The following CDK15 variants were observed in gnomAD, a reference collection of about 807,000 sequenced individuals.
CDK15 encodes cyclin dependent kinase 15.
In CDK15, 62 loss-of-function variants were observed where a neutral mutation model predicts 60.3. That is an observed-to-expected ratio of 1.03 (90% CI 0.84 to 1.27). The LOEUF is 1.27. Ranked by LOEUF, CDK15 falls within the 50% of genes most tolerant of loss-of-function variation. The pLI is 0.00. For missense variants in CDK15, 541 were observed against 527.8 expected (o/e 1.03, Z -0.25); for synonymous variants, 194 against 195.7 (o/e 0.99, Z 0.07).
chr2:201,870,044 GA>G (rs1382507123), intron 10 of CDK15, among the ~76,000 whole-genome samples: 1 of 152,190 alleles, frequency 6.6e-6, no homozygotes, highest in Non-Finnish European at 1.5e-5. Context: ...TGCCAGCAGA[GA>G]GGTCCACATT....
At chr2:201,868,366 T>C (rs1574922675) in intron 10 of CDK15, among the ~76,000 whole-genome samples, 1 of 152,158 alleles carries the variant, frequency 6.6e-6, no homozygotes, top group East Asian at 1.9e-4. Flanking sequence ...TATCTTCCGG[T>C]CACACAGCTG....
chr2:201,856,393 A>G (rs1052958282), intron 10 of CDK15, among the ~76,000 whole-genome samples: 9 of 152,348 alleles, frequency 5.9e-5, no homozygotes, highest in African/African-American at 1.9e-4. Flanking sequence ...GTGAATGGTT[A>G]TATCTATTGC....
chr2:201,846,564 T>C (rs1697678613), intron 8 of CDK15, among the ~76,000 whole-genome samples: 1 of 150,968 alleles, frequency 6.6e-6, no homozygotes. Flanking sequence ...GTCCTTTTTT[T>C]TTCTTTTTTT....
intron 9 of CDK15, among the ~76,000 whole-genome samples, chr2:201,851,291 CAAAAAAAAAAAA>C (rs1176883047): frequency 1.2e-3 from 32 of 27,768 alleles, no homozygotes; most frequent in South Asian, 4.2e-3. Flanking sequence ...GACTTCATCT[CAAAAAAAAAAAA>C]AAAAAAAAAA....
rs1156542105 is a variant in CDK15 at position 201,806,715 on chromosome 2, C to T, written c.51C>T (p.Tyr17=). 6.3e-7 allele frequency: 1 copy of T among 1,598,260 alleles called. No homozygotes were observed. The highest frequency in any genetic ancestry group is 8.5e-7 in the Non-Finnish European group (1 of 1,179,674). The change falls in exon 1 of 14, where the codon TAC becomes TAT. Residue 17 remains tyrosine, a synonymous_variant. Coordinates refer to ENST00000652192, the MANE Select transcript of CDK15 (RefSeq NM_001366386.2). ...AKTVQPGCSC[Y]HCSEGGEAHS... ...CTGTACAGCCTGGATGCAGCTGCTA[C>T]CATTGTTCAGAGGGAGGCGAGGCAC...
intron 12 of CDK15, chr2:201,889,454 A>G (rs1699566783): frequency 1.0e-6 from 1 of 970,636 alleles, no homozygotes; most frequent in Non-Finnish European, 1.2e-6. Flanking sequence ...ATAAACTAAC[A>G]CAAGGTGTTT....
intron 11 of CDK15, among the ~76,000 whole-genome samples, chr2:201,876,894 C>T (rs1393056794): frequency 6.6e-6 from 1 of 152,144 alleles, no homozygotes; most frequent in Non-Finnish European, 1.5e-5. Flanking sequence ...ACCTCCTGGG[C>T]TCAGGTGATT....
intron 3 of CDK15, chr2:201,808,872 G>A (rs975384606): frequency 2.0e-5 from 3 of 151,498 alleles, no homozygotes; most frequent in Non-Finnish European, 2.9e-5. Flanking sequence ...ATTTTTACTT[G>A]TTAAAACAGG....
intron 10 of CDK15, chr2:201,861,305 T>TA: frequency 1.0e-6 from 1 of 990,822 alleles, no homozygotes; most frequent in Non-Finnish European, 1.2e-6. Flanking sequence ...CTGGGTGGAG[T>TA]AGCCCGATTC....
chr2:201,879,307 C>T (rs1364009088), intron 11 of CDK15, among the ~76,000 whole-genome samples: 3 of 152,218 alleles, frequency 2.0e-5, no homozygotes, highest in Admixed American at 2.0e-4. Flanking sequence ...AGAATCACCT[C>T]TTTAGAATTC....
chr2:201,848,525 C>T (rs1274179628), intron 9 of CDK15, among the ~76,000 whole-genome samples: 1 of 152,118 alleles, frequency 6.6e-6, no homozygotes, highest in Non-Finnish European at 1.5e-5. Flanking sequence ...AAGCTCTGGA[C>T]CCACTGAACA....
At position 201,820,190 on chromosome 2, in the gene CDK15, T is replaced by C. The variant is rs1005380423; in HGVS notation, c.449-2619T>C. Among the ~76,000 whole-genome samples the C allele has an allele frequency of 7.9e-5, 12 of 152,246 alleles. No homozygotes were observed. The South Asian group carries it at 2.5e-3, about 32-fold the overall frequency. On this transcript the variant is annotated intron_variant, in intron 4 of 13. Coordinates refer to ENST00000652192, the MANE Select transcript of CDK15 (RefSeq NM_001366386.2). ...TAATTTTGCTATATGCTTTGTAACA[T>C]AGGGGTGGGGGAAAGAGAGAAATTT...
intron 4 of CDK15, among the ~76,000 whole-genome samples, chr2:201,813,154 G>A (rs1434746022): frequency 6.6e-6 from 1 of 152,186 alleles, no homozygotes; most frequent in Non-Finnish European, 1.5e-5. Context: ...GAGGATAATA[G>A]TGGTACCTAT....
chr2:201,851,533 T>C (rs926592313), intron 9 of CDK15, among the ~76,000 whole-genome samples: 4 of 152,202 alleles, frequency 2.6e-5, no homozygotes, highest in African/African-American at 9.6e-5. Flanking sequence ...CATTCATCTC[T>C]GTCCTTGTGT....
intron 9 of CDK15, among the ~76,000 whole-genome samples, chr2:201,851,265 C>T (rs1410666963): frequency 7.9e-6 from 1 of 127,388 alleles, no homozygotes; most frequent in Admixed American, 9.4e-5. Context: ...GCACTCCAGC[C>T]TGAGCAACAG....
intron 10 of CDK15, among the ~76,000 whole-genome samples, chr2:201,867,626 C>T (rs962956230): frequency 6.6e-6 from 1 of 152,122 alleles, no homozygotes; most frequent in African/African-American, 2.4e-5. Context: ...ATAAGAACCT[C>T]TTTCAAAAAC....
chr2:201,836,068 T>TATA (rs1339528666), intron 8 of CDK15, among the ~76,000 whole-genome samples: 3 of 14,576 alleles, frequency 2.1e-4, no homozygotes, highest in African/African-American at 4.6e-4. Context: ...TTATATATAT[T>TATA]TATATTTATA....
intron 11 of CDK15, 41 bp downstream of exon 11, chr2:201,872,367 A>T (rs759178832): frequency 6.3e-7 from 1 of 1,595,602 alleles, no homozygotes; most frequent in Non-Finnish European, 8.6e-7. Flanking sequence ...GGGATCTTTA[A>T]GCAGGATTGG....
In CDK15 at chr2:201,861,581, A is replaced by G. The variant is rs1338595362; in HGVS notation, c.1009+6644A>G. 1.2e-5 allele frequency: 7 copies of G among 607,730 alleles called. No individual in the cohort carries two copies. In the African/African-American group the frequency reaches 2.9e-4, roughly 25 times the overall value. 37.6% of individuals were successfully genotyped at this position (607,730 alleles called of 1,614,324 possible). ...TTTTTTTTTCTTTTTTTTTTTTTTT[A>G]GATGAAGTCTCACTTGTCACCCAGG... On this transcript the variant is annotated intron_variant, in intron 10 of 13. Coordinates refer to ENST00000652192, the MANE Select transcript of CDK15 (RefSeq NM_001366386.2).
Sources: allele counts gnomAD v4.1 joint callset (sites outside exome capture counted in the v4.1 genomes callset), GRCh38; gene constraint gnomAD v4.1.1; transcripts MANE v1.5; gene names NCBI Gene and HGNC (gene_info 2026-07-23, HGNC 2026-07-21).